CADM2: variants seen among roughly 807,000 people sequenced by gnomAD.
The protein encoded by CADM2 is immunoglobulin superfamily member 4D.
Under a neutral mutation model 49.8 loss-of-function variants are expected in CADM2, and 12 were observed. The ratio of observed to expected loss-of-function variants is 0.24; its 90% confidence interval spans 0.15 to 0.39. The LOEUF (loss-of-function observed/expected upper bound fraction) is 0.39, where lower values mean the gene tolerates loss of function less well. Among genes scored for constraint, CADM2 ranks in the 10% least tolerant of loss-of-function variants. CADM2 has a pLI of 1.00. For synonymous variants in CADM2, 214 were observed against 175.4 expected, an observed-to-expected ratio of 1.22 and a Z score of -1.74; for missense variants, 378 against 492.3, an observed-to-expected ratio of 0.77 and a Z score of 2.20.
chr3:85,833,954 T>A (rs1383568875), intron 3 of CADM2, among the ~76,000 whole-genome samples: 1 of 151,698 alleles, frequency 6.6e-6, no homozygotes, highest in African/African-American at 2.4e-5. Flanking sequence ...TTGAGTAGTA[T>A]GAACATTTTA....
At chr3:85,874,234 C>T (rs912234300) in intron 3 of CADM2, among the ~76,000 whole-genome samples, 9 of 152,064 alleles carry the variant, frequency 5.9e-5, no homozygotes, top group Non-Finnish European at 1.2e-4. Flanking sequence ...GTAGAAGGTA[C>T]AACTTCGGGA....
intron 5 of CADM2, among the ~76,000 whole-genome samples, chr3:85,905,225 T>C (rs1577621098): frequency 6.6e-6 from 1 of 152,034 alleles, no homozygotes. Context: ...CTGTGGAAAA[T>C]AGCAAAGATA....
intron 2 of CADM2, among the ~76,000 whole-genome samples, chr3:85,729,568 C>T (rs6793697): frequency 0.11 from 16,949 of 152,022 alleles, 1,847 homozygotes; most frequent in African/African-American, 0.27. Flanking sequence ...ACTCTTCACG[C>T]GTAAATTTTG....
chr3:85,828,235 G>A (rs563939575), intron 3 of CADM2, among the ~76,000 whole-genome samples: 20 of 152,012 alleles, frequency 1.3e-4, no homozygotes, highest in African/African-American at 4.3e-4. Context: ...TTTCATATTT[G>A]CCATAATCCC....
At chr3:86,028,550 CCT>C (rs1734190934) in intron 8 of CADM2, among the ~76,000 whole-genome samples, 1 of 152,174 alleles carries the variant, frequency 6.6e-6, no homozygotes, top group Admixed American at 6.6e-5. Flanking sequence ...CTTTTACACT[CCT>C]CTCTTTTAGA....
intron 7 of CADM2, among the ~76,000 whole-genome samples, chr3:85,943,238 C>A (rs1026515041): frequency 7.7e-6 from 1 of 130,108 alleles, no homozygotes; most frequent in Non-Finnish European, 1.6e-5. Flanking sequence ...GATATTAGCC[C>A]TTTGTCAGAT....
chr3:85,526,616 TA>T (rs1256304630), intron 1 of CADM2, among the ~76,000 whole-genome samples: 1 of 152,228 alleles, frequency 6.6e-6, no homozygotes, highest in Admixed American at 6.5e-5. Flanking sequence ...TTTCTTCACA[TA>T]AAAAAACTGA....
At chr3:85,759,360 A>G (rs1324882801) in intron 2 of CADM2, among the ~76,000 whole-genome samples, 1 of 152,148 alleles carries the variant, frequency 6.6e-6, no homozygotes, top group African/African-American at 2.4e-5. Flanking sequence ...ACACACGAAT[A>G]TGGTCTACTA....
chr3:85,601,130 G>GTA (rs375011644), intron 1 of CADM2, among the ~76,000 whole-genome samples: 1,289 of 109,056 alleles, frequency 0.012, 10 homozygotes, highest in African/African-American at 0.016. Context: ...ATATATGTGT[G>GTA]TATATATATA....
intron 1 of CADM2, among the ~76,000 whole-genome samples, chr3:84,996,882 T>G (rs950228883): frequency 2.6e-5 from 4 of 152,198 alleles, no homozygotes; most frequent in South Asian, 2.1e-4. Context: ...TAATTGAGAA[T>G]GAAAGAATAT....
At chr3:85,943,827 T>C (rs999442931) in intron 7 of CADM2, among the ~76,000 whole-genome samples, 1 of 151,952 alleles carries the variant, frequency 6.6e-6, no homozygotes, top group African/African-American at 2.4e-5. Context: ...CATGCCAAAT[T>C]GTAAAGACCA....
At chr3:86,059,225 AAAC>A (rs1415689984) in intron 8 of CADM2, among the ~76,000 whole-genome samples, 7 of 152,286 alleles carry the variant, frequency 4.6e-5, no homozygotes, top group African/African-American at 1.7e-4. Context: ...TAAGAACAGA[AAAC>A]ACAATAGACT....
rs558840574 is a variant in CADM2 at position 85,711,222 on chromosome 3, G to A, written c.62-15300G>A. Among the ~76,000 whole-genome samples the A allele has an allele frequency of 3.3e-5, 5 of 152,196 alleles. No homozygotes were observed. The South Asian group carries it at 1.0e-3, about 32-fold the overall frequency. On this transcript the variant is annotated intron_variant, in intron 1 of 9. Coordinates refer to ENST00000383699, the MANE Select transcript of CADM2 (RefSeq NM_001167675.2). ...ATGAACCAGTATCTGGGGACTGAAA[G>A]TTATGAGATATGTTTTCAGGGAAAG...
In CADM2 at chr3:85,810,537, T is replaced by G. The variant is rs1272114575; in HGVS notation, c.238+8341T>G. Among the ~76,000 whole-genome samples the G allele has an allele frequency of 8.1e-4, 41 of 50,582 alleles. 1 individual carries two copies. The Admixed American group carries it at 9.4e-3, about 12-fold the overall frequency. The allele number at this position is 50,582 out of a possible 152,430, so 33.2% of individuals were successfully genotyped here. ...GTATATGCTCATAGAATTCTGTTTT[T>G]TTTTTTTTTTTTTTTTTTTGGAGAC... On this transcript the variant is annotated intron_variant, in intron 3 of 9. Coordinates refer to ENST00000383699, the MANE Select transcript of CADM2 (RefSeq NM_001167675.2).
intron 5 of CADM2, among the ~76,000 whole-genome samples, chr3:85,900,931 T>C (rs1716033603): frequency 6.6e-6 from 1 of 152,236 alleles, no homozygotes; most frequent in African/African-American, 2.4e-5. Flanking sequence ...TCCCATTACC[T>C]TTGGCTAATG....
chr3:85,763,592 G>T (rs2069504198), intron 2 of CADM2, among the ~76,000 whole-genome samples: 1 of 152,086 alleles, frequency 6.6e-6, no homozygotes, highest in South Asian at 2.1e-4. Context: ...ATTTAAGTGG[G>T]TTGGTGATGT....
intron 1 of CADM2, among the ~76,000 whole-genome samples, chr3:85,272,912 C>G (rs2043273892): frequency 6.6e-6 from 1 of 151,216 alleles, no homozygotes; most frequent in Non-Finnish European, 1.5e-5. Flanking sequence ...ACAACAACAA[C>G]AACAAATACA....
chr3:85,601,169 TATATAC>T (rs1261339903), intron 1 of CADM2, among the ~76,000 whole-genome samples: 2 of 75,916 alleles, frequency 2.6e-5, no homozygotes, highest in African/African-American at 4.8e-5. Context: ...TATATATATA[TATATAC>T]ACACACACAC....
intron 1 of CADM2, among the ~76,000 whole-genome samples, chr3:85,104,910 C>A (rs974304830): frequency 6.6e-6 from 1 of 152,078 alleles, no homozygotes; most frequent in Non-Finnish European, 1.5e-5. Flanking sequence ...GATTTTTGTA[C>A]ATTGATTTTT....
Sources: gnomAD v4.1 joint callset for allele counts (sites outside exome capture counted in the v4.1 genomes callset) on GRCh38, gnomAD v4.1.1 for gene constraint, MANE v1.5 for transcripts, NCBI Gene and HGNC (gene_info 2026-07-23, HGNC 2026-07-21) for gene names.